The following ANO10 variants were observed in gnomAD, a reference collection of about 807,000 sequenced individuals.
ANO10 encodes anoctamin 10, also known as anoctamin-10.
In ANO10, 77 loss-of-function variants were observed where a neutral mutation model predicts 74.7. The ratio of observed to expected loss-of-function variants is 1.03; its 90% confidence interval spans 0.86 to 1.25. The LOEUF (loss-of-function observed/expected upper bound fraction) is 1.25. ANO10 is among the 50% of genes most tolerant of loss of function. The pLI is 0.00. For missense variants in ANO10, 721 were observed against 778.1 expected (o/e 0.93, Z 0.87); for synonymous variants, 279 against 284.9 (o/e 0.98, Z 0.21).
chr3:43,528,313 G>A (rs2078300969), intron 11 of ANO10, among the ~76,000 whole-genome samples: 1 of 150,602 alleles, frequency 6.6e-6, no homozygotes, highest in Non-Finnish European at 1.5e-5. Flanking sequence ...CAACATGAAA[G>A]CAAACAAAAA....
At chr3:43,677,821 A>G (rs1302933569) in intron 1 of ANO10, among the ~76,000 whole-genome samples, 2 of 152,248 alleles carry the variant, frequency 1.3e-5, no homozygotes, top group Non-Finnish European at 2.9e-5. Context: ...GAGAGGGAAT[A>G]GATGAATTGG....
At chr3:43,684,475 T>G (rs2084246856) in intron 1 of ANO10, among the ~76,000 whole-genome samples, 1 of 152,204 alleles carries the variant, frequency 6.6e-6, no homozygotes, top group African/African-American at 2.4e-5. Context: ...ACTTTTACAC[T>G]GTTGGTGGGA....
chr3:43,404,558 T>C (rs982556927), intron 12 of ANO10, among the ~76,000 whole-genome samples: 1 of 152,010 alleles, frequency 6.6e-6, no homozygotes, highest in South Asian at 2.1e-4. Flanking sequence ...ACCCATCATA[T>C]TTGTGGTAAT....
At chr3:43,439,811 A>T (rs907728768) in intron 11 of ANO10, among the ~76,000 whole-genome samples, 1 of 152,044 alleles carries the variant, frequency 6.6e-6, no homozygotes, top group African/African-American at 2.4e-5. Flanking sequence ...AGCCCAGGGA[A>T]GTTGTGGTTG....
chr3:43,607,295 A>T (rs950266918), intron 1 of ANO10, among the ~76,000 whole-genome samples: 4 of 151,518 alleles, frequency 2.6e-5, no homozygotes, highest in Non-Finnish European at 5.9e-5. Context: ...TGAGCCCAGG[A>T]GTTCAAGACC....
chr3:43,655,615 A>C (rs1410426246), intron 1 of ANO10, among the ~76,000 whole-genome samples: 1 of 152,200 alleles, frequency 6.6e-6, no homozygotes, highest in African/African-American at 2.4e-5. Context: ...GTGCGTTTAC[A>C]ATCCCTGAGC....
chr3:43,691,236 T>C, intron 1 of ANO10: 1 of 453,890 alleles, frequency 2.2e-6, no homozygotes, highest in Non-Finnish European at 3.6e-6. Flanking sequence ...GAGGCTCCCC[T>C]CAGCGTCGGG....
intron 12 of ANO10, among the ~76,000 whole-genome samples, chr3:43,367,866 A>C (rs1042418296): frequency 2.0e-5 from 3 of 152,140 alleles, no homozygotes; most frequent in African/African-American, 7.2e-5. Context: ...TGGAAAAACA[A>C]AACTCTGAGC....
chr3:43,441,582 AAAG>A (rs2093160776), intron 11 of ANO10, among the ~76,000 whole-genome samples: 1 of 152,160 alleles, frequency 6.6e-6, no homozygotes, highest in South Asian at 2.1e-4. Flanking sequence ...CCAAACATTT[AAAG>A]AAGAATTACC....
At chr3:43,542,905 A>G (rs917506586) in intron 11 of ANO10, among the ~76,000 whole-genome samples, 9 of 152,196 alleles carry the variant, frequency 5.9e-5, no homozygotes, top group African/African-American at 1.4e-4. Flanking sequence ...GAGTGGTAAC[A>G]AGACCTGCAA....
chr3:43,690,822 A>G, intron 1 of ANO10: 1 of 538,678 alleles, frequency 1.9e-6, no homozygotes, highest in Non-Finnish European at 3.0e-6. Context: ...GCAAAGCCGG[A>G]GGCAAGGCCG....
intron 12 of ANO10, among the ~76,000 whole-genome samples, chr3:43,398,684 A>G (rs2092425209): frequency 1.3e-5 from 2 of 152,218 alleles, no homozygotes; most frequent in South Asian, 2.1e-4. Flanking sequence ...TACTAATTTG[A>G]TCTTCAATAC....
chr3:43,576,512 G>A (rs1207849904), intron 6 of ANO10, among the ~76,000 whole-genome samples, 180 bp downstream of exon 6: 2 of 152,142 alleles, frequency 1.3e-5, no homozygotes, highest in Non-Finnish European at 2.9e-5. Context: ...TGAGAGTTAC[G>A]ATAACCATGG....
intron 1 of ANO10, among the ~76,000 whole-genome samples, chr3:43,609,455 C>G (rs1016181677): frequency 1.3e-5 from 2 of 152,108 alleles, no homozygotes; most frequent in African/African-American, 4.8e-5. Context: ...AAACCTCAAG[C>G]CAAAATCATG....
chr3:43,414,232 G>C (rs2092705660), intron 12 of ANO10, among the ~76,000 whole-genome samples: 2 of 152,326 alleles, frequency 1.3e-5, no homozygotes, highest in African/African-American at 2.4e-5. Context: ...ACTCTGTGCA[G>C]TTAGTCCTTT....
intron 1 of ANO10, among the ~76,000 whole-genome samples, chr3:43,680,542 G>A (rs1304412420): frequency 6.6e-6 from 1 of 152,152 alleles, no homozygotes; most frequent in Non-Finnish European, 1.5e-5. Flanking sequence ...CCCCAGTCTA[G>A]CAAGGCAGGC....
At chr3:43,484,997 G>T (rs2076413981) in intron 11 of ANO10, 1 of 1,455,948 alleles carries the variant, frequency 6.9e-7, no homozygotes, top group African/African-American at 1.4e-5. Context: ...GGGCCTCTTG[G>T]TGGTGAGGCG....
intron 12 of ANO10, among the ~76,000 whole-genome samples, chr3:43,405,628 C>T (rs1006502630): frequency 1.6e-4 from 25 of 152,100 alleles, no homozygotes; most frequent in African/African-American, 5.8e-4. Context: ...AGTGCACTAT[C>T]ACGCCCGGTT....
chr3:43,642,643 T>G (rs1210516794), intron 1 of ANO10, among the ~76,000 whole-genome samples: 2 of 152,046 alleles, frequency 1.3e-5, no homozygotes, highest in Non-Finnish European at 2.9e-5. Flanking sequence ...CCCACAGAAG[T>G]TTCACTCCTA....
Sources: allele counts gnomAD v4.1 joint callset (sites outside exome capture counted in the v4.1 genomes callset), GRCh38; gene constraint gnomAD v4.1.1; transcripts MANE v1.5; gene names NCBI Gene and HGNC (gene_info 2026-07-23, HGNC 2026-07-21).